The following PRKCB variants were observed in gnomAD, a reference collection of about 807,000 sequenced individuals.
The protein encoded by PRKCB is protein kinase C beta type.
In PRKCB, 13 loss-of-function variants were observed where a neutral mutation model predicts 81.5. The observed-to-expected ratio is 0.16, with a 90% CI of 0.10 to 0.25. The LOEUF (loss-of-function observed/expected upper bound fraction) is 0.25. Among genes scored for constraint, PRKCB ranks in the 10% least tolerant of loss-of-function variants. PRKCB has a pLI of 1.00. For synonymous variants in PRKCB, 335 were observed against 321.4 expected (o/e 1.04, Z -0.45); for missense variants, 509 against 875.7 (o/e 0.58, Z 5.29).
In PRKCB at chr16:24,050,419, C is replaced by G. The variant is rs146630084; in HGVS notation, c.529+14872C>G. On this transcript the variant is annotated intron_variant, in intron 5 of 16. Transcript: ENST00000643927. ...GATTGTCACTTTCCTTATTCTAGAT[C>G]AGCTGTTTTCAAACCTTTCGGCTTC... Among the ~76,000 whole-genome samples the G allele has an allele frequency of 1.9e-3, 288 of 152,114 alleles. 2 individuals are homozygous for G. Among genetic ancestry groups the G allele is most frequent in the Middle Eastern group, 6.8e-3 (2 of 294 alleles).
intron 16 of PRKCB, among the ~76,000 whole-genome samples, chr16:24,192,607 G>A (rs1035902429): frequency 7.2e-5 from 11 of 152,136 alleles, no homozygotes; most frequent in Non-Finnish European, 1.3e-4. Flanking sequence ...AGATGCACAC[G>A]CTCCCATCCC....
intron 2 of PRKCB, among the ~76,000 whole-genome samples, chr16:23,872,162 G>A (rs971296164): frequency 6.6e-6 from 1 of 152,212 alleles, no homozygotes; most frequent in South Asian, 2.1e-4. Flanking sequence ...GGCCAACTTA[G>A]CAGGAAGAAC....
intron 2 of PRKCB, among the ~76,000 whole-genome samples, chr16:23,986,057 G>T (rs1030200864): frequency 1.3e-5 from 2 of 152,084 alleles, no homozygotes; most frequent in South Asian, 4.2e-4. Flanking sequence ...CAGATTCCAA[G>T]AAATTAGACA....
chr16:23,844,916 C>T (rs1962340908), intron 2 of PRKCB, among the ~76,000 whole-genome samples: 2 of 152,066 alleles, frequency 1.3e-5, no homozygotes, highest in African/African-American at 2.4e-5. Flanking sequence ...ATTCTCCTGC[C>T]TCAGCCTCCC....
At chr16:24,030,412 G>T (rs1965536570) in intron 3 of PRKCB, among the ~76,000 whole-genome samples, 1 of 152,060 alleles carries the variant, frequency 6.6e-6, no homozygotes, top group Non-Finnish European at 1.5e-5. Flanking sequence ...GGGCTTAGCT[G>T]GGGATCACCT....
chr16:24,044,267 G>A lies in PRKCB; in HGVS notation c.529+8720G>A, dbSNP rs557469048. Among the ~76,000 whole-genome samples the A allele has an allele frequency of 6.4e-4, 98 of 152,240 alleles. 2 individuals carry two copies. The South Asian group carries it at 0.017, about 26-fold the overall frequency. On this transcript the variant is annotated intron_variant, in intron 5 of 16. Coordinates refer to ENST00000643927, the MANE Select transcript of PRKCB (RefSeq NM_002738.7). ...CCACCTGCTCTGGAGGGTGAGACAC[G>A]AGAATCACTTGAACCCTGCAGGTGG... is the stretch of plus-strand genomic sequence containing the variant.
intron 2 of PRKCB, among the ~76,000 whole-genome samples, chr16:23,980,126 A>G (rs1292156754): frequency 1.3e-5 from 2 of 152,210 alleles, no homozygotes; most frequent in Non-Finnish European, 2.9e-5. Flanking sequence ...TCCTCACAGG[A>G]CTGTGATGAG....
intron 16 of PRKCB, 149 bp downstream of exon 16, chr16:24,191,379 A>C: frequency 1.2e-6 from 1 of 820,434 alleles, no homozygotes; most frequent in African/African-American, 1.7e-5. Flanking sequence ...GCACAAAATC[A>C]CTGGTTACTA....
intron 3 of PRKCB, among the ~76,000 whole-genome samples, chr16:23,999,551 G>T (rs1310189604): frequency 6.6e-6 from 1 of 152,214 alleles, no homozygotes; most frequent in Non-Finnish European, 1.5e-5. Flanking sequence ...ACAAAGTGTG[G>T]CAGAGTTCAT....
intron 2 of PRKCB, among the ~76,000 whole-genome samples, chr16:23,844,973 T>C (rs1422114801): frequency 6.6e-6 from 1 of 152,156 alleles, no homozygotes; most frequent in Non-Finnish European, 1.5e-5. Context: ...AGCTAATTTT[T>C]GTATTTTTAG....
At chr16:24,111,152 T>C (rs1966671353) in intron 7 of PRKCB, 1 of 152,248 alleles carries the variant, frequency 6.6e-6, no homozygotes, top group Non-Finnish European at 1.5e-5. Flanking sequence ...CTTGTTTTTA[T>C]ATTTCTTTTG....
rs1437850822 is a variant in PRKCB, at chr16:24,215,650, A to G, written c.*834A>G. ...TTGTTGTTCAAATGCAAAAAAAAGA[A>G]AAAAAAAGAAAAAAAAAGGTGACTC... On this transcript the variant is annotated 3_prime_UTR_variant, in exon 17 of 17. Coordinates refer to ENST00000643927, the MANE Select transcript of PRKCB (RefSeq NM_002738.7). The G allele has an allele frequency of 1.1e-4, 105 of 971,898 alleles. No homozygotes were observed. The highest frequency in any genetic ancestry group is 1.3e-4 in the Non-Finnish European group (104 of 820,454). 60.2% of individuals were successfully genotyped at this position (971,898 alleles called of 1,614,324 possible).
chr16:24,095,518 A>G (rs73548408), intron 7 of PRKCB, among the ~76,000 whole-genome samples: 1,888 of 152,278 alleles, frequency 0.012, 26 homozygotes, highest in African/African-American at 0.041. Context: ...CTCAAGTTCT[A>G]CAGTAGTGAT....
intron 2 of PRKCB, among the ~76,000 whole-genome samples, chr16:23,875,419 T>C (rs1435942430): frequency 6.6e-6 from 1 of 151,540 alleles, no homozygotes; most frequent in African/African-American, 2.4e-5. Context: ...TAGCAGAGCT[T>C]ACCAGCGGGT....
At chr16:24,168,931 A>G (rs755711607) in intron 10 of PRKCB, among the ~76,000 whole-genome samples, 1 of 151,832 alleles carries the variant, frequency 6.6e-6, no homozygotes, top group Non-Finnish European at 1.5e-5. Context: ...TTAAAGTGAG[A>G]TACAACTTGA....
At chr16:23,841,136 T>A (rs1188457524) in intron 2 of PRKCB, among the ~76,000 whole-genome samples, 1 of 152,166 alleles carries the variant, frequency 6.6e-6, no homozygotes, top group Non-Finnish European at 1.5e-5. Flanking sequence ...TGCAGTGCAG[T>A]GGCACCATTT....
intron 2 of PRKCB, among the ~76,000 whole-genome samples, chr16:23,928,307 T>A (rs1963924118): frequency 6.6e-6 from 1 of 152,014 alleles, no homozygotes. Context: ...TTTGTATTTT[T>A]AGTAGAGACA....
At chr16:23,958,524 C>T (rs552645884) in intron 2 of PRKCB, among the ~76,000 whole-genome samples, 4 of 150,242 alleles carry the variant, frequency 2.7e-5, no homozygotes, top group African/African-American at 4.9e-5. Flanking sequence ...AGGCTGATCT[C>T]GAACTCCTGA....
intron 2 of PRKCB, among the ~76,000 whole-genome samples, chr16:23,843,087 CAT>C (rs759056590): frequency 1.4e-4 from 22 of 152,102 alleles, no homozygotes; most frequent in Non-Finnish European, 2.6e-4. Flanking sequence ...GGGTAATTAA[CAT>C]GTGTAGATTA....
Sources: gnomAD v4.1 joint callset for allele counts (sites outside exome capture counted in the v4.1 genomes callset) on GRCh38, gnomAD v4.1.1 for gene constraint, MANE v1.5 for transcripts, NCBI Gene and HGNC (gene_info 2026-07-23, HGNC 2026-07-21) for gene names.